The following PLXNA4 variants were observed in gnomAD, a reference collection of about 807,000 sequenced individuals.
The protein encoded by PLXNA4 is plexin-A4.
Under a neutral mutation model 191.8 loss-of-function variants are expected in PLXNA4, and 44 were observed. The observed-to-expected ratio is 0.23, with a 90% CI of 0.18 to 0.29. The LOEUF is 0.29. PLXNA4 is among the 10% of genes least tolerant of loss of function. The probability of loss-of-function intolerance (pLI) is 1.00; values close to 1 mark genes in which losing one functional copy is unlikely to be tolerated. For missense variants in PLXNA4, 1,800 were observed against 2,488.8 expected, an observed-to-expected ratio of 0.72 and a Z score of 5.89; for synonymous variants, 1,082 against 1,009.5, an observed-to-expected ratio of 1.07 and a Z score of -1.36.
intron 5 of PLXNA4, among the ~76,000 whole-genome samples, chr7:132,239,242 C>T (rs149467127): frequency 6.6e-6 from 1 of 152,220 alleles, no homozygotes; most frequent in Non-Finnish European, 1.5e-5. Context: ...TGTCTTGTGC[C>T]TCCTCCTCTC....
intron 1 of PLXNA4, among the ~76,000 whole-genome samples, chr7:132,515,993 T>C (rs1041018136): frequency 6.6e-6 from 1 of 152,074 alleles, no homozygotes. Flanking sequence ...ACACAGTAGG[T>C]GTATAATAGA....
intron 4 of PLXNA4, among the ~76,000 whole-genome samples, chr7:132,261,695 G>A (rs1427187630): frequency 6.6e-6 from 1 of 152,196 alleles, no homozygotes; most frequent in Non-Finnish European, 1.5e-5. Flanking sequence ...GGCAGCTGCC[G>A]GCCAGCCTCG....
intron 3 of PLXNA4, among the ~76,000 whole-genome samples, chr7:132,407,779 C>T (rs1038322951): frequency 2.0e-5 from 3 of 152,184 alleles, no homozygotes; most frequent in African/African-American, 7.2e-5. Context: ...ACTGTTTATT[C>T]ATATCACAAT....
chr7:132,253,456 G>A (rs1451479289), intron 4 of PLXNA4, among the ~76,000 whole-genome samples: 1 of 151,972 alleles, frequency 6.6e-6, no homozygotes, highest in African/African-American at 2.4e-5. Flanking sequence ...TGTTGGCCAA[G>A]CTGATCTTGA....
chr7:132,348,380 G>A (rs1803336358), intron 3 of PLXNA4, among the ~76,000 whole-genome samples: 1 of 152,192 alleles, frequency 6.6e-6, no homozygotes, highest in Admixed American at 6.5e-5. Context: ...TATGCTTGAG[G>A]GAAGTCCAGC....
At chr7:132,449,744 G>T (rs1215949535) in intron 3 of PLXNA4, among the ~76,000 whole-genome samples, 2 of 152,224 alleles carry the variant, frequency 1.3e-5, no homozygotes, top group East Asian at 3.8e-4. Context: ...GCCCAGGTTT[G>T]CTGGGCTGGG....
chr7:132,518,650 G>C (rs1199071650), intron 1 of PLXNA4, among the ~76,000 whole-genome samples: 1 of 152,320 alleles, frequency 6.6e-6, no homozygotes, highest in Admixed American at 6.5e-5. Context: ...TCAGCTACGC[G>C]GGGCTCCCTT....
intron 4 of PLXNA4, among the ~76,000 whole-genome samples, chr7:132,285,606 C>T (rs1233382449): frequency 6.6e-6 from 1 of 152,100 alleles, no homozygotes; most frequent in Non-Finnish European, 1.5e-5. Flanking sequence ...CCCTTTTATA[C>T]CTATATTGCA....
At chr7:132,276,169 T>C in intron 4 of PLXNA4, among the ~76,000 whole-genome samples, 1 of 152,192 alleles carries the variant, frequency 6.6e-6, no homozygotes. Context: ...GCTACATAAA[T>C]GCATGAGCAT....
chr7:132,453,977 A>G (rs1473353812), intron 3 of PLXNA4, among the ~76,000 whole-genome samples: 3 of 152,212 alleles, frequency 2.0e-5, no homozygotes, highest in Non-Finnish European at 2.9e-5. Flanking sequence ...TCTATTTTGA[A>G]AGAGCAGAAT....
intron 14 of PLXNA4, among the ~76,000 whole-genome samples, chr7:132,191,862 A>G (rs977704647): frequency 6.6e-6 from 1 of 151,336 alleles, no homozygotes. Context: ...ATATATATGC[A>G]TGCTTTATAT....
At chr7:132,537,125 A>C (rs886200026) in intron 1 of PLXNA4, among the ~76,000 whole-genome samples, 2 of 152,346 alleles carry the variant, frequency 1.3e-5, no homozygotes, top group African/African-American at 4.8e-5. Flanking sequence ...AAAGGGCAGA[A>C]GCAGGGCCTG....
At chr7:132,433,383 C>T (rs1279190871) in intron 3 of PLXNA4, among the ~76,000 whole-genome samples, 1 of 152,158 alleles carries the variant, frequency 6.6e-6, no homozygotes, top group Non-Finnish European at 1.5e-5. Flanking sequence ...TTCAGTGCCA[C>T]CCTTGCTCAT....
chr7:132,411,533 G>C (rs1488090040), intron 3 of PLXNA4, among the ~76,000 whole-genome samples: 2 of 152,204 alleles, frequency 1.3e-5, no homozygotes, highest in Non-Finnish European at 2.9e-5. Flanking sequence ...GATTGTGGCT[G>C]TTTTTGGAAA....
intron 3 of PLXNA4, among the ~76,000 whole-genome samples, chr7:132,329,937 C>T (rs1302111510): frequency 6.6e-6 from 1 of 152,106 alleles, no homozygotes; most frequent in Non-Finnish European, 1.5e-5. Flanking sequence ...TTAGAGAAGC[C>T]AGGTGCTGTC....
At chr7:132,484,641 C>G in intron 3 of PLXNA4, 1 of 1,144,826 alleles carries the variant, frequency 8.7e-7, no homozygotes, top group Non-Finnish European at 1.2e-6. Flanking sequence ...AACTACCTGA[C>G]CGAACCCTGT....
chr7:132,335,888 G>A (rs1802797333), intron 3 of PLXNA4, among the ~76,000 whole-genome samples: 1 of 152,202 alleles, frequency 6.6e-6, no homozygotes, highest in Non-Finnish European at 1.5e-5. Context: ...GAGGGAAGTG[G>A]GGGCCTGCTG....
intron 3 of PLXNA4, among the ~76,000 whole-genome samples, chr7:132,483,758 A>G (rs1797432246): frequency 6.6e-6 from 1 of 152,232 alleles, no homozygotes; most frequent in Non-Finnish European, 1.5e-5. Flanking sequence ...CTCATTTAAG[A>G]CTATCTCTTT....
At chr7:132,209,810 T>C (rs1797737095) in intron 10 of PLXNA4, among the ~76,000 whole-genome samples, 1 of 152,070 alleles carries the variant, frequency 6.6e-6, no homozygotes. Context: ...ACTAGAAGAA[T>C]ACATAGGAAG....
Sources: allele counts gnomAD v4.1 joint callset (sites outside exome capture counted in the v4.1 genomes callset), GRCh38; gene constraint gnomAD v4.1.1; transcripts MANE v1.5; gene names NCBI Gene and HGNC (gene_info 2026-07-23, HGNC 2026-07-21).